The following INSR variants were observed in gnomAD, a reference collection of about 807,000 sequenced individuals.
INSR encodes insulin receptor.
Under a neutral mutation model 142.6 loss-of-function variants are expected in INSR, and 67 were observed. The observed-to-expected ratio is 0.47, with a 90% CI of 0.39 to 0.58. INSR has a LOEUF of 0.58. INSR is among the 20% of genes least tolerant of loss of function. The pLI, the probability that INSR is intolerant of heterozygous loss-of-function variation, is 0.00. For synonymous variants in INSR, 756 were observed against 743.1 expected (o/e 1.02, Z -0.28); for missense variants, 1,248 against 1,833.2 (o/e 0.68, Z 5.83).
intron 2 of INSR, among the ~76,000 whole-genome samples, chr19:7,229,324 GGATGGATA>G (rs1446430790): frequency 3.3e-4 from 20 of 60,332 alleles, no homozygotes; most frequent in African/African-American, 5.6e-4. Context: ...ATGGATGGAT[GGATGGATA>G]GATGGATGGA....
chr19:7,290,783 A>G (rs528258156), intron 1 of INSR, among the ~76,000 whole-genome samples: 21 of 151,016 alleles, frequency 1.4e-4, no homozygotes, highest in African/African-American at 4.6e-4. Context: ...AAAAAGAAAA[A>G]AAAAAAGGCC....
chr19:7,189,119 T>C (rs1352361976), intron 2 of INSR, among the ~76,000 whole-genome samples: 4 of 152,090 alleles, frequency 2.6e-5, no homozygotes, highest in Non-Finnish European at 5.9e-5. Flanking sequence ...GGAAGCAATA[T>C]ACAAGGCAGA....
intron 2 of INSR, among the ~76,000 whole-genome samples, chr19:7,230,759 G>T (rs1006769060): frequency 7.0e-6 from 1 of 143,630 alleles, no homozygotes; most frequent in Admixed American, 7.4e-5. Context: ...AGTGGACTGA[G>T]ATTGCACCAC....
chr19:7,158,045 G>GTATTATTATTATTATTATTAT (rs72379188), intron 9 of INSR, among the ~76,000 whole-genome samples: 1 of 141,280 alleles, frequency 7.1e-6, no homozygotes, highest in African/African-American at 2.7e-5. Flanking sequence ...GAAGCTCCTG[G>GTATTATTATTATTATTATTAT]TATTATTATT....
Position 7,153,052 on chromosome 19 carries a change from C to CACAAACACACAA in INSR, c.2030-126_2030-125insTTGTGTGTTTGT, listed in dbSNP as rs1568449150. On this transcript the variant is annotated intron_variant, in intron 9 of 21. Transcript: ENST00000302850. Reference sequence around the variant, plus strand: ...CACACACACACACACCACACACCCCCCCACACACACACACCACACACATCA... The same window carrying CACAAACACACAA: ...CACACACACACACACCACACACCCCCACAAACACACAACCACACACACACACCACACACATCA... 1.3e-3 allele frequency: 501 copies of CACAAACACACAA among 377,302 alleles called. 9 individuals are homozygous for CACAAACACACAA. In the East Asian group the frequency reaches 0.014, roughly 11 times the overall value. 23.4% of individuals were successfully genotyped at this position (377,302 alleles called of 1,614,324 possible). A position where few individuals can be genotyped will look rare whatever the true frequency, so the allele number is the denominator to read the frequency against.
chr19:7,164,334 G>A (rs921971363), intron 8 of INSR, among the ~76,000 whole-genome samples: 1 of 152,158 alleles, frequency 6.6e-6, no homozygotes, highest in Admixed American at 6.6e-5. Flanking sequence ...TTCCCTGGCA[G>A]AGCAGTTAAC....
intron 11 of INSR, among the ~76,000 whole-genome samples, chr19:7,146,216 T>C (rs1326467584): frequency 6.6e-6 from 1 of 151,292 alleles, no homozygotes; most frequent in East Asian, 1.9e-4. Flanking sequence ...TTTTGTTCAG[T>C]GCAGTATCTT....
At position 7,113,651 on chromosome 19, in the gene INSR, T is replaced by G. The variant is rs1458039993; in HGVS notation, c.*3405A>C. ...TTATCCTAAGCTGGTTTTGTTGCTT[T>G]TTGTTGTTGTTGTTGCAACTTAACA... On this transcript the variant is annotated 3_prime_UTR_variant, in exon 22 of 22. Transcript: ENST00000302850. 2.0e-5 allele frequency: 3 copies of G among 152,156 alleles called. No homozygotes were observed. The highest frequency in any genetic ancestry group is 7.2e-5 in the African/African-American group (3 of 41,448). The allele number at this position is 152,156 out of a possible 1,614,324, so 9.4% of individuals were successfully genotyped here.
chr19:7,162,966 G>T, intron 9 of INSR, 66 bp downstream of exon 9: 2 of 1,545,200 alleles, frequency 1.3e-6, no homozygotes, highest in Non-Finnish European at 1.8e-6. Context: ...CCCTAGAGGT[G>T]AAGCAAAGTG....
rs1412618950 is a variant in INSR, at chr19:7,267,437, G to A, written c.560C>T (p.Pro187Leu). The change falls in exon 2 of 22, where the codon CCG becomes CTG. Residue 187 changes from proline to leucine, a missense_variant. Pro to Leu is a moderately conservative substitution (Grantham distance 98). This residue lies in a region of INSR where 1,069 missense variants were observed against 1,654.0 expected (regional missense o/e 0.65). Transcript: ENST00000302850. This position sits in a 1 kb window ranked among gnomAD's most constrained non-coding sequence, Gnocchi z 6.3. ...DDNEECGDICPGTAKGKTNCP... is the reference protein window; with the variant it reads ...DDNEECGDICLGTAKGKTNCP... ...GTTGGTCTTGCCCTTCGCGGTACCC[G>A]GACAGATGTCTCCACACTCCTCGTT... 1 of 1,614,030 alleles carries A rather than the reference G, an allele frequency of 6.2e-7. No individual in the cohort carries two copies. The highest frequency in any genetic ancestry group is 1.3e-5 in the African/African-American group (1 of 74,972).
chr19:7,285,984 TTTG>T (rs1159772963), intron 1 of INSR, among the ~76,000 whole-genome samples: 3 of 152,104 alleles, frequency 2.0e-5, no homozygotes, highest in African/African-American at 4.8e-5. Context: ...TTTAAAATAT[TTTG>T]TTGTTGTTGT....
intron 1 of INSR, among the ~76,000 whole-genome samples, chr19:7,284,763 C>A (rs974693751): frequency 2.0e-5 from 3 of 152,090 alleles, no homozygotes; most frequent in African/African-American, 7.2e-5. Flanking sequence ...CTCCTGACCT[C>A]GTGATCCACT....
chr19:7,285,274 A>T (rs1459873503), intron 1 of INSR, among the ~76,000 whole-genome samples: 1 of 151,982 alleles, frequency 6.6e-6, no homozygotes, highest in Non-Finnish European at 1.5e-5. Flanking sequence ...AACATGGTAA[A>T]ACCCCATCTC....
intron 2 of INSR, among the ~76,000 whole-genome samples, chr19:7,197,839 A>AGAGAGAAC (rs1261540200): frequency 6.1e-5 from 1 of 16,464 alleles, no homozygotes; most frequent in African/African-American, 3.2e-4. Flanking sequence ...AGAGAACGAG[A>AGAGAGAAC]GAGAGAGAGA....
chr19:7,251,412 A>G lies in INSR; in HGVS notation c.652+15933T>C, dbSNP rs112915443. On this transcript the variant is annotated intron_variant, in intron 2 of 21. Transcript: ENST00000302850. Reference sequence around the variant, plus strand: ...GCTGGGACTACAGGCATGCACCACCATGCTCGGCTAATTTTTTATTTTATT... The same window carrying G: ...GCTGGGACTACAGGCATGCACCACCGTGCTCGGCTAATTTTTTATTTTATT... Among the ~76,000 whole-genome samples the G allele has an allele frequency of 6.3e-3, 954 of 151,866 alleles. 6 individuals are homozygous for G. The highest frequency in any genetic ancestry group is 9.5e-3 in the Non-Finnish European group (645 of 67,986).
intron 2 of INSR, among the ~76,000 whole-genome samples, chr19:7,242,712 G>A (rs893970351): frequency 8.6e-5 from 12 of 140,260 alleles, no homozygotes; most frequent in Admixed American, 6.7e-4. Context: ...TCTCCAGCCT[G>A]GGTGACACAG....
At chr19:7,207,948 G>GGAAGGAAGGAAGGGAA (rs1375255118) in intron 2 of INSR, among the ~76,000 whole-genome samples, 1,289 of 123,624 alleles carry the variant, frequency 0.01, 9 homozygotes, top group South Asian at 0.018. Context: ...AAGGGAAGGA[G>GGAAGGAAGGAAGGGAA]GGAGGGAGGG....
chr19:7,147,853 G>T (rs540194498), intron 11 of INSR, among the ~76,000 whole-genome samples: 36 of 152,174 alleles, frequency 2.4e-4, no homozygotes, highest in Admixed American at 9.8e-4. Flanking sequence ...CAGGCCAAAT[G>T]AGTTTATATA....
At chr19:7,149,936 AGAAG>A (rs71177162) in intron 11 of INSR, among the ~76,000 whole-genome samples, 1,704 of 144,174 alleles carry the variant, frequency 0.012, 41 homozygotes, top group Middle Eastern at 0.028. Context: ...AAAAAAAGAA[AGAAG>A]GAAGGAAGGA....
Sources: allele counts gnomAD v4.1 joint callset (sites outside exome capture counted in the v4.1 genomes callset), GRCh38; gene constraint gnomAD v4.1.1; regional missense constraint gnomAD v4.1.1; non-coding constraint Gnocchi (gnomAD v3.1); transcripts MANE v1.5; gene names NCBI Gene and HGNC (gene_info 2026-07-23, HGNC 2026-07-21).